Variants in LHX8 observed in about 807,000 individuals in gnomAD.
The protein encoded by LHX8 is LIM homeobox 8, also known as LIM/homeobox protein Lhx8.
Under a neutral mutation model 40.3 loss-of-function variants are expected in LHX8, and 12 were observed. The observed-to-expected ratio is 0.30, with a 90% confidence interval of 0.19 to 0.48. The LOEUF (loss-of-function observed/expected upper bound fraction) is 0.48, where lower values mean the gene tolerates loss of function less well. Among genes scored for constraint, LHX8 ranks in the 20% least tolerant of loss-of-function variants. The probability of loss-of-function intolerance (pLI) is 0.99; values close to 1 mark genes in which losing one functional copy is unlikely to be tolerated. For synonymous variants in LHX8, 179 were observed against 162.0 expected (o/e 1.10, Z -0.80); for missense variants, 344 against 433.7 (o/e 0.79, Z 1.84).
chr1:75,176,313 C>T, the LHX8 span, among the ~76,000 whole-genome samples: 3 of 152,184 alleles, frequency 2.0e-5, no homozygotes, highest in African/African-American at 7.2e-5. Flanking sequence ...TCTTATATCT[C>T]CACATCCTCT....
At chr1:75,155,230 C>T (rs200527562) in intron 7 of LHX8, among the ~76,000 whole-genome samples, 3 of 94,374 alleles carry the variant, frequency 3.2e-5, no homozygotes, top group South Asian at 4.2e-4. Context: ...GAAACACTCT[C>T]TTTTTTTTTT....
the LHX8 span, among the ~76,000 whole-genome samples, chr1:75,196,696 C>T: frequency 6.6e-6 from 1 of 152,160 alleles, no homozygotes; most frequent in Non-Finnish European, 1.5e-5. Context: ...GCCTAAGCTT[C>T]ATATTAAGAG....
At chr1:75,165,249 A>G (rs1649007684), downstream of LHX8, among the ~76,000 whole-genome samples, 1 of 152,232 alleles carries the variant, frequency 6.6e-6, no homozygotes, top group Non-Finnish European at 1.5e-5. Context: ...CTCTCATTCA[A>G]CAGATGAGGG....
chr1:75,139,312 A>G (rs1436125888), intron 3 of LHX8, among the ~76,000 whole-genome samples: 1 of 152,070 alleles, frequency 6.6e-6, no homozygotes, highest in East Asian at 1.9e-4. Context: ...ACCTTACTTT[A>G]CTCCCTGGCA....
chr1:75,136,789 C>T, intron 2 of LHX8, 100 bp downstream of exon 2: 1 of 947,044 alleles, frequency 1.1e-6, no homozygotes, highest in Non-Finnish European at 1.6e-6. Flanking sequence ...GCCCAGCTGG[C>T]CCCTCCTGCA....
chr1:75,181,803 C>T, the LHX8 span, among the ~76,000 whole-genome samples: 9 of 152,138 alleles, frequency 5.9e-5, no homozygotes, highest in South Asian at 2.1e-4. Context: ...AGCTGCAGAC[C>T]GGAGCTGTTC....
chr1:75,159,105 G>A (rs1648846782), intron 8 of LHX8, among the ~76,000 whole-genome samples: 1 of 151,980 alleles, frequency 6.6e-6, no homozygotes, highest in Non-Finnish European at 1.5e-5. Context: ...GTTGTAAGTG[G>A]TATTTTCTCT....
intron 5 of LHX8, 106 bp from the exon 6 acceptor site, chr1:75,143,739 A>C (rs1446179435): frequency 1.2e-6 from 1 of 831,814 alleles, no homozygotes; most frequent in East Asian, 2.5e-5. Context: ...CGTCTAGAAA[A>C]CATATACAGT....
chr1:75,188,680 T>G, the LHX8 span, among the ~76,000 whole-genome samples: 1 of 152,160 alleles, frequency 6.6e-6, no homozygotes, highest in African/African-American at 2.4e-5. Context: ...TCCTTAATGT[T>G]CTCCATCGGA....
chr1:75,190,120 A>G, the LHX8 span, among the ~76,000 whole-genome samples: 7 of 152,196 alleles, frequency 4.6e-5, no homozygotes, highest in Non-Finnish European at 1.0e-4. Context: ...GATAATGGCT[A>G]ACTCTGCCCT....
At chr1:75,159,436 A>C (rs1244760468) in intron 8 of LHX8, 1 of 152,016 alleles carries the variant, frequency 6.6e-6, no homozygotes, top group African/African-American at 2.4e-5. Context: ...TCCTATGAAA[A>C]AATTTTCTTG....
the LHX8 span, among the ~76,000 whole-genome samples, chr1:75,199,434 T>C: frequency 6.6e-6 from 1 of 152,202 alleles, no homozygotes; most frequent in Non-Finnish European, 1.5e-5. Context: ...TGAAAACATC[T>C]TTCTCTTTTG....
At chr1:75,160,757 G>A (rs1648895754) in intron 8 of LHX8, 62 bp from the exon 9 acceptor site, 2 of 1,101,132 alleles carry the variant, frequency 1.8e-6, no homozygotes, top group South Asian at 2.5e-5. Context: ...GTTTTTGTTT[G>A]TTTATAAATC....
At chr1:75,149,507 G>C (rs1036224073) in intron 7 of LHX8, among the ~76,000 whole-genome samples, 1 of 152,064 alleles carries the variant, frequency 6.6e-6, no homozygotes, top group African/African-American at 2.4e-5. Context: ...GTTGTTGTTT[G>C]TTTTTTGTTT....
the LHX8 span, among the ~76,000 whole-genome samples, chr1:75,195,328 G>A: frequency 3.9e-5 from 6 of 152,070 alleles, no homozygotes; most frequent in African/African-American, 1.2e-4. Flanking sequence ...ATGCCCATGC[G>A]CCCTTCCTCA....
rs751732544 is a variant in LHX8, at chr1:75,160,857, C to A, written c.1003C>A (p.Pro335Thr). Residue 335 changes from proline to threonine, a missense_variant, in exon 9 of 9, where the codon CCC (proline) becomes ACC (threonine). Transcript: ENST00000356261. Reference sequence around the variant, plus strand: ...AACTCTTGGACTCCAGCCCTTGTTACCCCATTCAATGACACAACTGCCAAT... The same window carrying A: ...AACTCTTGGACTCCAGCCCTTGTTAACCCATTCAATGACACAACTGCCAAT... ...PTTLGLQPLL[P>T]HSMTQLPISH... 5 of 1,613,110 alleles carry A rather than the reference C, an allele frequency of 3.1e-6. No individual in the cohort carries two copies. Among genetic ancestry groups the A allele is most frequent in the Non-Finnish European group, 4.2e-6 (5 of 1,179,156 alleles).
chr1:75,154,656 A>G (rs939911301), intron 7 of LHX8, among the ~76,000 whole-genome samples: 1 of 152,100 alleles, frequency 6.6e-6, no homozygotes, highest in African/African-American at 2.4e-5. Context: ...TAGTGTTAGT[A>G]GTGACATCTA....
At chr1:75,149,917 A>G (rs971838491) in intron 7 of LHX8, among the ~76,000 whole-genome samples, 2 of 152,182 alleles carry the variant, frequency 1.3e-5, no homozygotes, top group African/African-American at 4.8e-5. Context: ...AGAATTGGTA[A>G]CTGCAATGGG....
the LHX8 span, among the ~76,000 whole-genome samples, chr1:75,181,943 T>C: frequency 6.6e-6 from 1 of 152,180 alleles, no homozygotes; most frequent in Non-Finnish European, 1.5e-5. Flanking sequence ...TCCCATTCTG[T>C]GTGTTGCCTG....
Sources: allele counts gnomAD v4.1 joint callset (sites outside exome capture counted in the v4.1 genomes callset), GRCh38; gene constraint gnomAD v4.1.1; transcripts MANE v1.5; gene names NCBI Gene and HGNC (gene_info 2026-07-23, HGNC 2026-07-21).